SAMD12: variants seen among roughly 807,000 people sequenced by gnomAD.
The protein encoded by SAMD12 is sterile alpha motif domain containing 12, also known as sterile alpha motif domain-containing protein 12.
In SAMD12, 9 loss-of-function variants were observed where a neutral mutation model predicts 15.0. That is an observed-to-expected ratio of 0.60 (90% CI 0.36 to 1.05). SAMD12 has a LOEUF of 1.05. SAMD12 is among the 50% of genes least tolerant of loss of function. The probability of loss-of-function intolerance (pLI) is 0.01; values close to 1 mark genes in which losing one functional copy is unlikely to be tolerated. For missense variants in SAMD12, 230 were observed against 234.2 expected, an observed-to-expected ratio of 0.98 and a Z score of 0.12; for synonymous variants, 86 against 90.1, an observed-to-expected ratio of 0.96 and a Z score of 0.25.
chr8:118,146,826 G>T, the SAMD12 span, among the ~76,000 whole-genome samples: 2 of 152,172 alleles, frequency 1.3e-5, no homozygotes, highest in Non-Finnish European at 2.9e-5. Context: ...AACTTAGAGG[G>T]AAGGATTTTT....
chr8:118,294,406 G>A (rs961225489), intron 4 of SAMD12, among the ~76,000 whole-genome samples: 30 of 152,174 alleles, frequency 2.0e-4, no homozygotes, highest in African/African-American at 7.2e-4. Flanking sequence ...AAAGTTAATT[G>A]TTTCACCAGA....
At chr8:118,621,194 C>G (rs1828394291) in intron 1 of SAMD12, 1 of 152,794 alleles carries the variant, frequency 6.5e-6, no homozygotes, top group African/African-American at 2.4e-5. Context: ...GAGGTTGTTG[C>G]ACTTCTTTTC....
chr8:118,279,286 G>C (rs1813551198), intron 4 of SAMD12, among the ~76,000 whole-genome samples: 1 of 152,052 alleles, frequency 6.6e-6, no homozygotes, highest in Admixed American at 6.6e-5. Context: ...GTGGTGTTTA[G>C]TTCTGCTACT....
At chr8:118,445,155 A>G (rs540247041) in intron 2 of SAMD12, among the ~76,000 whole-genome samples, 48 of 152,178 alleles carry the variant, frequency 3.2e-4, no homozygotes, top group Non-Finnish European at 1.0e-4. Flanking sequence ...GAGAGAAAGA[A>G]GGAAAAGGAG....
At chr8:118,421,225 A>C (rs972739634) in intron 3 of SAMD12, among the ~76,000 whole-genome samples, 1 of 152,202 alleles carries the variant, frequency 6.6e-6, no homozygotes, top group African/African-American at 2.4e-5. Flanking sequence ...GGTGCTAAAC[A>C]CTGTGTTTGG....
chr8:118,305,807 G>A (rs985386506), intron 4 of SAMD12, among the ~76,000 whole-genome samples: 1 of 152,084 alleles, frequency 6.6e-6, no homozygotes, highest in Non-Finnish European at 1.5e-5. Flanking sequence ...TGTTTGCCTG[G>A]GATGACATTG....
At chr8:118,191,504 C>T (rs1013613948) in exon 5 of SAMD12, 5 of 151,394 alleles carry the variant, frequency 3.3e-5, no homozygotes, top group African/African-American at 1.2e-4. Flanking sequence ...ATTTCCTACC[C>T]CACTCTACAT....
chr8:118,280,780 T>C (rs1411852692), intron 4 of SAMD12, among the ~76,000 whole-genome samples: 1 of 152,204 alleles, frequency 6.6e-6, no homozygotes. Context: ...TTACTATATA[T>C]GCACTGGGCC....
At chr8:118,286,770 T>C (rs1814049832) in intron 4 of SAMD12, among the ~76,000 whole-genome samples, 1 of 152,160 alleles carries the variant, frequency 6.6e-6, no homozygotes, top group Non-Finnish European at 1.5e-5. Context: ...TTGAGAATGG[T>C]AAAGGAGGTT....
chr8:118,428,090 A>G (rs1274243694), intron 3 of SAMD12, among the ~76,000 whole-genome samples: 2 of 152,164 alleles, frequency 1.3e-5, no homozygotes, highest in Non-Finnish European at 2.9e-5. Flanking sequence ...GTGACGTATC[A>G]TTTCAAATCT....
At chr8:118,180,365 C>T in the SAMD12 span, among the ~76,000 whole-genome samples, 29 of 152,212 alleles carry the variant, frequency 1.9e-4, no homozygotes, top group Admixed American at 1.8e-3. Context: ...AATTTATGTG[C>T]CAAAAATATG....
intron 3 of SAMD12, among the ~76,000 whole-genome samples, chr8:118,437,986 T>TA (rs1347939169): frequency 6.6e-6 from 1 of 152,144 alleles, no homozygotes; most frequent in African/African-American, 2.4e-5. Flanking sequence ...GCACAGGCAT[T>TA]AAAAAACATT....
intron 4 of SAMD12, among the ~76,000 whole-genome samples, chr8:118,370,993 C>T (rs1469594687): frequency 1.3e-5 from 2 of 152,064 alleles, no homozygotes; most frequent in African/African-American, 4.8e-5. Flanking sequence ...ATGATTGGTT[C>T]TGCCTGAAAG....
chr8:118,258,372 C>T (rs941443597), intron 4 of SAMD12, among the ~76,000 whole-genome samples: 2 of 152,152 alleles, frequency 1.3e-5, no homozygotes, highest in African/African-American at 4.8e-5. Context: ...GCTTGCCACA[C>T]CTTACATGAG....
chr8:118,273,528 C>A (rs930282833), intron 4 of SAMD12, among the ~76,000 whole-genome samples: 3 of 152,106 alleles, frequency 2.0e-5, no homozygotes, highest in Non-Finnish European at 4.4e-5. Context: ...AGAGAAAGAT[C>A]CACAATAACA....
chr8:118,489,919 T>C (rs959586773), intron 2 of SAMD12, among the ~76,000 whole-genome samples: 4 of 151,690 alleles, frequency 2.6e-5, no homozygotes, highest in Non-Finnish European at 2.9e-5. Context: ...GAGTGGGGGG[T>C]ATAAAAAAGG....
intron 2 of SAMD12, among the ~76,000 whole-genome samples, chr8:118,544,873 G>A (rs1308433393): frequency 1.8e-4 from 27 of 152,206 alleles, no homozygotes; most frequent in Admixed American, 1.7e-3. Flanking sequence ...AACATTCTAT[G>A]TGCCAGGCAT....
chr8:118,227,671 G>T (rs1812218109), intron 4 of SAMD12, among the ~76,000 whole-genome samples: 1 of 152,144 alleles, frequency 6.6e-6, no homozygotes, highest in African/African-American at 2.4e-5. Flanking sequence ...ACATGTTATA[G>T]AGCTTGAAGA....
At chr8:118,293,188 C>T (rs569233800) in intron 4 of SAMD12, among the ~76,000 whole-genome samples, 2 of 152,142 alleles carry the variant, frequency 1.3e-5, no homozygotes, top group African/African-American at 2.4e-5. Context: ...TGGCAGAAAC[C>T]AGCTGAATGT....
Sources: gnomAD v4.1 joint callset for allele counts (sites outside exome capture counted in the v4.1 genomes callset) on GRCh38, gnomAD v4.1.1 for gene constraint, MANE v1.5 for transcripts, NCBI Gene and HGNC (gene_info 2026-07-23, HGNC 2026-07-21) for gene names.